The following FYN variants were observed in gnomAD, a reference collection of about 807,000 sequenced individuals.
FYN encodes the protein FYN proto-oncogene, Src family tyrosine kinase.
In FYN, 10 loss-of-function variants were observed where a neutral mutation model predicts 70.2. The observed-to-expected ratio is 0.14, with a 90% CI of 0.09 to 0.24. FYN has a LOEUF of 0.24. Ranked by LOEUF, FYN falls within the 10% of genes least tolerant of loss-of-function variation. The pLI is 1.00. For synonymous variants in FYN, 236 were observed against 248.6 expected, an observed-to-expected ratio of 0.95 and a Z score of 0.48; for missense variants, 319 against 673.1, an observed-to-expected ratio of 0.47 and a Z score of 5.82.
intron 3 of FYN, among the ~76,000 whole-genome samples, chr6:111,778,957 A>G (rs2128505675): frequency 6.6e-6 from 1 of 152,184 alleles, no homozygotes; most frequent in Non-Finnish European, 1.5e-5. Context: ...AACTGCATAA[A>G]TACCACCAGC....
At chr6:111,857,166 C>T (rs924752343) in intron 1 of FYN, among the ~76,000 whole-genome samples, 2 of 152,090 alleles carry the variant, frequency 1.3e-5, no homozygotes, top group African/African-American at 2.4e-5. Flanking sequence ...GAGCATTTCC[C>T]CTTGTATTTA....
At chr6:111,665,630 A>AT (rs990702683) in intron 13 of FYN, among the ~76,000 whole-genome samples, 171 of 132,670 alleles carry the variant, frequency 1.3e-3, no homozygotes, top group African/African-American at 4.7e-3. Context: ...TTATTTATTT[A>AT]TTTTTTTTTG....
chr6:111,836,176 AC>A (rs1385387359), intron 2 of FYN, among the ~76,000 whole-genome samples: 1 of 152,210 alleles, frequency 6.6e-6, no homozygotes, highest in Non-Finnish European at 1.5e-5. Context: ...GAAAGAGAAA[AC>A]ACAGTAGGCC....
chr6:111,662,650 T>A (rs1797806855), intron 13 of FYN, among the ~76,000 whole-genome samples: 1 of 152,230 alleles, frequency 6.6e-6, no homozygotes, highest in Non-Finnish European at 1.5e-5. Context: ...CCACACAGAA[T>A]GAAAGCATGC....
rs1368550683 is a variant in FYN, at chr6:111,661,865, A to T, written c.1488T>A (p.His496Gln). 3 of 1,614,090 alleles carry T rather than the reference A, an allele frequency of 1.9e-6. No individual in the cohort carries two copies. The highest frequency in any genetic ancestry group is 1.3e-5 in the African/African-American group (1 of 74,928). ...PCPQDCPISLHELMIHCWKKD... is the reference protein window; with the variant it reads ...PCPQDCPISLQELMIHCWKKD... ...TTTTCCAGCAGTGGATCATGAGCTC[A>T]TGCAGAGAGATGGGGCAGTCCTGCG... The change falls in exon 14 of 14, where the codon CAT becomes CAA. Residue 496 changes from histidine (H) to glutamine (Q), a missense_variant. His to Gln is a conservative substitution (Grantham distance 24). Coordinates refer to ENST00000354650, the MANE Select transcript of FYN (RefSeq NM_002037.5). The surrounding 1 kb of genome is among the most constrained non-coding windows in gnomAD (Gnocchi z 4.0).
chr6:111,832,673 TG>T (rs1773051810), intron 2 of FYN, among the ~76,000 whole-genome samples: 1 of 152,188 alleles, frequency 6.6e-6, no homozygotes, highest in Non-Finnish European at 1.5e-5. Context: ...AAATCTCAAA[TG>T]GGGAACATTG....
chr6:111,699,370 T>C (rs1799726932), intron 9 of FYN: 11 of 827,096 alleles, frequency 1.3e-5, no homozygotes, highest in Middle Eastern at 4.8e-4. Flanking sequence ...TATCAGCATA[T>C]TCTGAAAATC....
At chr6:111,748,429 C>T (rs940404459) in intron 3 of FYN, among the ~76,000 whole-genome samples, 3 of 152,206 alleles carry the variant, frequency 2.0e-5, no homozygotes, top group African/African-American at 4.8e-5. Context: ...AACAGACACA[C>T]TCATTTTATA....
At chr6:111,724,673 C>T (rs1032699382) in intron 3 of FYN, among the ~76,000 whole-genome samples, 8 of 152,168 alleles carry the variant, frequency 5.3e-5, no homozygotes, top group Non-Finnish European at 8.8e-5. Flanking sequence ...GAAGTGAAAC[C>T]GACAACAAAT....
At chr6:111,762,435 G>A (rs1803045583) in intron 3 of FYN, among the ~76,000 whole-genome samples, 1 of 152,128 alleles carries the variant, frequency 6.6e-6, no homozygotes, top group Non-Finnish European at 1.5e-5. Context: ...AAGGGAAGGT[G>A]GGGGTCAGAT....
chr6:111,713,200 G>T (rs1053581119), intron 5 of FYN, among the ~76,000 whole-genome samples: 3 of 152,158 alleles, frequency 2.0e-5, no homozygotes, highest in African/African-American at 7.2e-5. Flanking sequence ...GTGAGCCAGG[G>T]GGCATTCAAG....
intron 2 of FYN, among the ~76,000 whole-genome samples, chr6:111,821,987 C>A (rs1475761551): frequency 6.6e-6 from 1 of 152,140 alleles, no homozygotes; most frequent in African/African-American, 2.4e-5. Flanking sequence ...AGAACAGGTG[C>A]TGGAGAGAAT....
chr6:111,826,367 T>C (rs1319134908), intron 2 of FYN, among the ~76,000 whole-genome samples: 1 of 147,608 alleles, frequency 6.8e-6, no homozygotes, highest in African/African-American at 2.4e-5. Context: ...TGTGTATATG[T>C]GTATGTATGT....
At chr6:111,770,560 G>A (rs1583427002) in intron 3 of FYN, among the ~76,000 whole-genome samples, 1 of 152,188 alleles carries the variant, frequency 6.6e-6, no homozygotes, top group Admixed American at 6.5e-5. Context: ...ACAATCACAA[G>A]AGACCCAAGC....
chr6:111,688,815 GC>G (rs1799159705), intron 12 of FYN, among the ~76,000 whole-genome samples: 1 of 152,190 alleles, frequency 6.6e-6, no homozygotes, highest in Non-Finnish European at 1.5e-5. Context: ...AAATAGGCAA[GC>G]TGGCCGGAGA....
chr6:111,735,279 G>A (rs556781577), intron 3 of FYN, among the ~76,000 whole-genome samples: 1 of 152,330 alleles, frequency 6.6e-6, no homozygotes, highest in East Asian at 1.9e-4. Context: ...AGTTTAATGG[G>A]ATTGAAATGT....
At chr6:111,679,797 C>G (rs1025940843) in intron 12 of FYN, among the ~76,000 whole-genome samples, 4 of 152,026 alleles carry the variant, frequency 2.6e-5, no homozygotes. Flanking sequence ...TGTTCAGATC[C>G]CCTTTGGGTC....
chr6:111,814,563 T>G (rs951593516), intron 2 of FYN, among the ~76,000 whole-genome samples: 1 of 151,986 alleles, frequency 6.6e-6, no homozygotes, highest in Admixed American at 6.6e-5. Context: ...TGCAAAAAAT[T>G]TTATATACAT....
At chr6:111,842,134 G>C (rs2114461415) in intron 2 of FYN, among the ~76,000 whole-genome samples, 1 of 152,280 alleles carries the variant, frequency 6.6e-6, no homozygotes, top group East Asian at 1.9e-4. Context: ...GTTATACACT[G>C]AGGCTGGGTC....
Sources: gnomAD v4.1 joint callset for allele counts (sites outside exome capture counted in the v4.1 genomes callset) on GRCh38, gnomAD v4.1.1 for gene constraint, Gnocchi (gnomAD v3.1) non-coding constraint, MANE v1.5 for transcripts, NCBI Gene and HGNC (gene_info 2026-07-23, HGNC 2026-07-21) for gene names.